Variants in GPR108 observed in about 807,000 individuals in gnomAD.
The protein encoded by GPR108 is G protein-coupled receptor 108, also known as protein GPR108.
GPR108 carries 60 observed loss-of-function variants against 74.3 expected under a neutral mutation model. The ratio of observed to expected loss-of-function variants is 0.81; its 90% CI spans 0.66 to 1.00. The LOEUF (loss-of-function observed/expected upper bound fraction) is 1.00, where lower values mean the gene tolerates loss of function less well. Among genes scored for constraint, GPR108 ranks in the 50% least tolerant of loss-of-function variants. The pLI, the probability that GPR108 is intolerant of heterozygous loss-of-function variation, is 0.00. For missense variants in GPR108, 667 were observed against 703.3 expected (o/e 0.95, Z 0.58); for synonymous variants, 311 against 292.4 (o/e 1.06, Z -0.65).
rs754719225 is a variant in GPR108 at position 6,732,017 on chromosome 19, G to T, written c.1256+8C>A. 1 of 1,613,702 alleles carries T rather than the reference G, an allele frequency of 6.2e-7. No individual in the cohort carries two copies. The highest frequency in any genetic ancestry group is 8.5e-7 in the Non-Finnish European group (1 of 1,179,978). On this transcript the variant is annotated splice_region_variant and intron_variant, in intron 13 of 17. Transcript: ENST00000264080. ...GGCAGAGCCTCAGCCCGGGGGCAGG[G>T]TCCTCACCAGACTACGGGGAACAGG...
chr19:6,730,901 T>TG, intron 17 of GPR108, 86 bp downstream of exon 17: 7 of 936,772 alleles, frequency 7.5e-6, no homozygotes, highest in Non-Finnish European at 1.1e-5. Context: ...CTACAGTCCC[T>TG]CCCCCCTGCC....
chr19:6,733,334 G>C (rs1466375330), intron 8 of GPR108, 33 bp from the exon 9 acceptor site: 6 of 1,602,916 alleles, frequency 3.7e-6, no homozygotes, highest in Non-Finnish European at 5.1e-6. Context: ...CGGCGGCAGG[G>C]GCACAGCCCG....
In GPR108 at chr19:6,733,010, T is replaced by G. The variant is rs776666400; in HGVS notation, c.910A>C (p.Ser304Arg). 9 of 1,607,578 alleles carry G rather than the reference T, an allele frequency of 5.6e-6. No homozygotes were observed. Among genetic ancestry groups the G allele is most frequent in the Non-Finnish European group, 7.6e-6 (9 of 1,177,174 alleles). Residue 304 changes from serine (S) to arginine (R), a missense_variant, in exon 10 of 18, where the codon AGC (serine) becomes CGC (arginine). Ser to Arg is a moderately radical substitution (Grantham distance 110, BLOSUM62 -1). Transcript: ENST00000264080. Reference sequence around the variant, plus strand: ...ACGCTGTGGAAGAGGAGAGAGATGCTCTTGGTGAAGGCCAAGGCCGCCATG... The same window carrying G: ...ACGCTGTGGAAGAGGAGAGAGATGCGCTTGGTGAAGGCCAAGGCCGCCATG... ...WLMAALAFTKSISLLFHSINY... is the reference protein window; with the variant it reads ...WLMAALAFTKRISLLFHSINY...
At chr19:6,736,972 CGGA>C in intron 1 of GPR108, 1 of 492,806 alleles carries the variant, frequency 2.0e-6, no homozygotes, top group South Asian at 2.4e-5. Flanking sequence ...GAGCACCGCC[CGGA>C]GAACAGTTAT....
At chr19:6,732,419 G>A (rs1968450868) in intron 11 of GPR108, 39 bp from the exon 12 acceptor site, 15 of 1,609,384 alleles carry the variant, frequency 9.3e-6, no homozygotes, top group African/African-American at 1.3e-5. Context: ...GAGGTGGGGG[G>A]CCAACCCTCC....
rs767877869 is a variant in GPR108 at position 6,732,324 on chromosome 19, A to G, written c.1064T>C (p.Phe355Ser). The change falls in exon 12 of 18, where the codon TTC becomes TCC. Residue 355 changes from phenylalanine (F) to serine (S), a missense_variant. By Grantham distance (155) the Phe-to-Ser change is radical. Transcript: ENST00000264080. Reference sequence around the variant, plus strand: ...CTTATCCGACAGGACGTACTTGATGAAGGCCCAGCCTGAGCCAATCAGGGC... The same window carrying G: ...CTTATCCGACAGGACGTACTTGATGGAGGCCCAGCCTGAGCCAATCAGGGC... ...TIALIGSGWA[F>S]IKYVLSDKEK... 2.5e-6 allele frequency: 4 copies of G among 1,613,388 alleles called. No homozygotes were observed. Among genetic ancestry groups the G allele is most frequent in the Non-Finnish European group, 3.4e-6 (4 of 1,180,030 alleles).
In GPR108 at chr19:6,733,279, G is replaced by T; in HGVS notation, c.746C>A (p.Pro249His). 6.2e-7 allele frequency: 1 copy of T among 1,613,850 alleles called. No homozygotes were observed. Among genetic ancestry groups the T allele is most frequent in the Non-Finnish European group, 8.5e-7 (1 of 1,179,996 alleles). ...CTCCGCTGCCGACAGGAAGCCATCG[G>T]GGTTCTTCTCCCGGATCATCACCTG... ...DITVMIREKN[P>H]DGFLSAAEMP... is the part of the protein sequence containing the mutation. Residue 249 changes from proline to histidine, a missense_variant, in exon 9 of 18, where the codon CCC (proline) becomes CAC (histidine). By Grantham distance (77) the Pro-to-His change is moderately conservative. Transcript: ENST00000264080.
intron 13 of GPR108, 36 bp from the exon 14 acceptor site, chr19:6,731,970 C>G (rs576920512): frequency 6.8e-6 from 11 of 1,613,138 alleles, no homozygotes; most frequent in Non-Finnish European, 9.3e-6. Flanking sequence ...ACGGTCAGCG[C>G]GGACATCGCC....
At chr19:6,733,356 G>A in intron 8 of GPR108, 55 bp from the exon 9 acceptor site, 3 of 1,570,504 alleles carry the variant, frequency 1.9e-6, no homozygotes, top group Admixed American at 3.5e-5. Flanking sequence ...CCGCTGGCCT[G>A]GGAGAGCAGC....
intron 1 of GPR108, 154 bp downstream of exon 1, chr19:6,737,303 G>C: frequency 2.0e-6 from 2 of 994,388 alleles, no homozygotes; most frequent in Non-Finnish European, 2.8e-6. Flanking sequence ...AGGGGATCCC[G>C]GGACGAGACC....
At position 6,737,518 on chromosome 19, in the gene GPR108, C is replaced by T; in HGVS notation, c.59G>A (p.Arg20Gln). The change falls in exon 1 of 18, where the codon CGG (arginine) becomes CAG (glutamine). Residue 20 changes from arginine (R) to glutamine (Q), a missense_variant. Physicochemically the swap from Arg to Gln is conservative, Grantham distance 43. Transcript: ENST00000264080. The part of the protein sequence containing the change: ...GRGSPAEWGQ[R>Q]LLLVLLLGGC... ...ACCCAGCAGCAGCACCAGAAGTAGC[C>T]GCTGCCCCCACTCCGCGGGGCTCCC... 6.3e-7 allele frequency: 1 copy of T among 1,576,198 alleles called. No individual in the cohort carries two copies. Among genetic ancestry groups the T allele is most frequent in the South Asian group, 1.1e-5 (1 of 88,636 alleles).
In GPR108 at chr19:6,735,896, C is replaced by T; in HGVS notation, c.291+12G>A. The T allele has an allele frequency of 1.2e-6, 2 of 1,610,860 alleles. No individual in the cohort carries two copies. Among genetic ancestry groups the T allele is most frequent in the Non-Finnish European group, 1.7e-6 (2 of 1,178,280 alleles). On this transcript the variant is annotated intron_variant, in intron 3 of 17. Coordinates refer to ENST00000264080, the MANE Select transcript of GPR108 (RefSeq NM_001080452.2). ...AGCCCCTTCTCCCGTCTTCCCCATGCCCTCCACTCACTGAATAGGAGCGAA... is the reference window on the plus strand; with the variant it reads ...AGCCCCTTCTCCCGTCTTCCCCATGTCCTCCACTCACTGAATAGGAGCGAA...
intron 1 of GPR108, 163 bp downstream of exon 1, chr19:6,737,294 G>A (rs1968680902): frequency 4.4e-6 from 4 of 914,444 alleles, no homozygotes; most frequent in African/African-American, 1.8e-5. Context: ...GAGGACCGAA[G>A]GGGATCCCGG....
At chr19:6,733,751 T>C (rs1377449761) in intron 7 of GPR108, 77 bp from the exon 8 acceptor site, 3 of 1,577,774 alleles carry the variant, frequency 1.9e-6, no homozygotes, top group African/African-American at 2.7e-5. Context: ...GGGGGTCCCA[T>C]GGTCTGGGGC....
chr19:6,731,061 C>T lies in GPR108; in HGVS notation c.1485G>A (p.Lys495=). The T allele has an allele frequency of 6.2e-7, 1 of 1,613,704 alleles. No individual in the cohort carries two copies. The highest frequency in any genetic ancestry group is 1.3e-5 in the African/African-American group (1 of 75,006). The part of the protein sequence containing the change: ...TLAFFVLTGY[K]FQPTGNNPYL... ...ACGGGTTGTTTCCTGTGGGCTGGAACTTGTAGCCCGTGAGCACGAAGAAGG... is the reference window on the plus strand; with the variant it reads ...ACGGGTTGTTTCCTGTGGGCTGGAATTTGTAGCCCGTGAGCACGAAGAAGG... Residue 495 remains lysine, a synonymous_variant, in exon 17 of 18, where the codon AAG becomes AAA. Transcript: ENST00000264080.
intron 4 of GPR108, chr19:6,735,391 T>C (rs894110009): frequency 2.0e-6 from 1 of 506,330 alleles, no homozygotes; most frequent in Non-Finnish European, 3.5e-6. Flanking sequence ...ACAATTGTTA[T>C]TCATTCTCAC....
chr19:6,733,339 A>G (rs1016286276), intron 8 of GPR108, 38 bp from the exon 9 acceptor site: 2 of 1,598,698 alleles, frequency 1.3e-6, no homozygotes, highest in Non-Finnish European at 1.7e-6. Context: ...GCAGGGGCAC[A>G]GCCCGACCGC....
intron 14 of GPR108, 150 bp downstream of exon 14, chr19:6,731,741 G>A (rs994924219): frequency 2.5e-5 from 24 of 960,552 alleles, no homozygotes; most frequent in Admixed American, 2.3e-4. Flanking sequence ...AAAGGCATTC[G>A]GGGGAAAGAG....
In GPR108 at chr19:6,734,132, A is replaced by C. The variant is rs374140609; in HGVS notation, c.499+51T>G. On this transcript the variant is annotated intron_variant, in intron 5 of 17. Coordinates refer to ENST00000264080, the MANE Select transcript of GPR108 (RefSeq NM_001080452.2). ...AGTGGGAAAACGGCATGGGGAGTGC[A>C]AAGGGCAGACCTGCCCATCCACCCC... The C allele has an allele frequency of 8.1e-6, 13 of 1,614,148 alleles. No homozygotes were observed. The African/African-American group carries it at 1.1e-4, about 13-fold the overall frequency.
Sources: gnomAD v4.1 joint callset for allele counts on GRCh38, gnomAD v4.1.1 for gene constraint, MANE v1.5 for transcripts, NCBI Gene and HGNC (gene_info 2026-07-23, HGNC 2026-07-21) for gene names.